The following TRIM49 variants were observed in gnomAD, a reference collection of about 807,000 sequenced individuals.
The protein encoded by TRIM49 is tripartite motif containing 49, also known as tripartite motif-containing protein 49.
A neutral mutation model predicts 27.4 loss-of-function variants in TRIM49; 5 were observed. The observed-to-expected ratio is 0.18, with a 90% CI of 0.10 to 0.38. The LOEUF (loss-of-function observed/expected upper bound fraction) is 0.38. Ranked by LOEUF, TRIM49 falls within the 10% of genes least tolerant of loss-of-function variation. The pLI, the probability that TRIM49 is intolerant of heterozygous loss-of-function variation, is 1.00. For synonymous variants in TRIM49, 69 were observed against 166.0 expected, an observed-to-expected ratio of 0.42 and a Z score of 4.49; for missense variants, 188 against 487.5, an observed-to-expected ratio of 0.39 and a Z score of 5.79.
In TRIM49 at chr11:89,804,228, C is replaced by T. The variant is rs764126582; in HGVS notation, c.242G>A (p.Ser81Asn). The T allele has an allele frequency of 5.0e-6, 8 of 1,609,618 alleles. No homozygotes were observed. The highest frequency in any genetic ancestry group is 6.8e-6 in the Non-Finnish European group (8 of 1,178,466). The change falls in exon 3 of 8, where the codon AGT becomes AAT. Residue 81 changes from serine to asparagine, a missense_variant. Around this residue, in one of 6 missense-constraint regions of TRIM49, gnomAD observed 37 missense variants for 52.4 expected, o/e 0.71. Transcript: ENST00000329758. ...CTCAGAGCTCAGGAATAGCCAGAGA[C>T]TGACTTTTCTGGCAAGAGAAGCCAT... Reference protein sequence around the residue: ...KKMASLARKVSLWLFLSSEEQ... With the variant: ...KKMASLARKVNLWLFLSSEEQ...
In TRIM49 at chr11:89,805,764, C is replaced by T. The variant is rs570777227; in HGVS notation, c.-4-1291G>A. Among the ~76,000 whole-genome samples the T allele has an allele frequency of 2.2e-3, 320 of 147,808 alleles. 4 individuals are homozygous for T. Among genetic ancestry groups the T allele is most frequent in the African/African-American group, 7.9e-3 (310 of 39,034 alleles). On this transcript the variant is annotated intron_variant, in intron 2 of 7. Transcript: ENST00000329758. ...ACAGAGTATCCTTCTGTCACGCAGGCTGAAATGCAGTGGCGTGATCTCGGC... is the reference window on the plus strand; with the variant it reads ...ACAGAGTATCCTTCTGTCACGCAGGTTGAAATGCAGTGGCGTGATCTCGGC...
chr11:89,790,533 T>G, the TRIM49 span, among the ~76,000 whole-genome samples: 1 of 152,002 alleles, frequency 6.6e-6, no homozygotes, highest in Non-Finnish European at 1.5e-5. Context: ...CACGGCCACT[T>G]ACTCCTCTGA....
chr11:89,805,143 G>T (rs1354210482), intron 2 of TRIM49, among the ~76,000 whole-genome samples: 1 of 151,680 alleles, frequency 6.6e-6, no homozygotes, highest in African/African-American at 2.4e-5. Context: ...GTAGGGAAAA[G>T]AAAAATTATT....
At chr11:89,800,738 G>A (rs931941885) in intron 6 of TRIM49, among the ~76,000 whole-genome samples, 1 of 150,190 alleles carries the variant, frequency 6.7e-6, no homozygotes, top group African/African-American at 2.5e-5. Context: ...GCCAGACACC[G>A]TCTCAAAAAA....
At chr11:89,792,972 G>C (rs370670065), downstream of TRIM49, among the ~76,000 whole-genome samples, 2 of 152,232 alleles carry the variant, frequency 1.3e-5, no homozygotes, top group East Asian at 3.9e-4. Flanking sequence ...TTTTTGAAAA[G>C]ATCAACAAAA....
rs775862090 is a variant in TRIM49, at chr11:89,804,345, T to C, written c.125A>G (p.Asn42Ser). The change falls in exon 3 of 8, where the codon AAC becomes AGC. Residue 42 changes from asparagine to serine, a missense_variant. Around this residue, in one of 6 missense-constraint regions of TRIM49, gnomAD observed 37 missense variants for 52.4 expected, o/e 0.71. Transcript: ENST00000329758. ...GACAAGAAATGGGATGTCTTGCCAG[T>C]TGAGGTAGAAACAAGGCCTGCAAAA... Reference protein sequence around the residue: ...HSFCRPCFYLNWQDIPFLVQC... With the variant: ...HSFCRPCFYLSWQDIPFLVQC... 6 of 1,611,492 alleles carry C rather than the reference T, an allele frequency of 3.7e-6. No homozygotes were observed. The highest frequency in any genetic ancestry group is 4.5e-5 in the East Asian group (2 of 44,826).
chr11:89,773,718 C>T, the TRIM49 span, among the ~76,000 whole-genome samples: 3 of 134,860 alleles, frequency 2.2e-5, 1 homozygote, highest in Non-Finnish European at 4.6e-5. Context: ...GTGGGCAGAT[C>T]ACCTGAAGTG....
chr11:89,792,482 A>G, the TRIM49 span, among the ~76,000 whole-genome samples: 4 of 151,928 alleles, frequency 2.6e-5, no homozygotes, highest in South Asian at 6.3e-4. Flanking sequence ...AAAATTGACC[A>G]CATAGTTGGA....
At chr11:89,769,995 G>C in the TRIM49 span, among the ~76,000 whole-genome samples, 1 of 136,402 alleles carries the variant, frequency 7.3e-6, no homozygotes, top group Non-Finnish European at 1.5e-5. Flanking sequence ...AGGAGGGGTG[G>C]GTCAAGGGAG....
At chr11:89,802,323 A>C (rs1949745029) in intron 4 of TRIM49, among the ~76,000 whole-genome samples, 4 of 150,788 alleles carry the variant, frequency 2.7e-5, no homozygotes, top group Non-Finnish European at 2.9e-5. Flanking sequence ...AACTCATTAT[A>C]TGAAAATGAC....
intron 4 of TRIM49, 40 bp downstream of exon 4, chr11:89,803,658 C>T: frequency 1.3e-6 from 1 of 791,870 alleles, no homozygotes; most frequent in East Asian, 2.7e-5. Context: ...CATTTGCCCA[C>T]CATAAGTTCC....
the TRIM49 span, among the ~76,000 whole-genome samples, chr11:89,790,825 T>G: frequency 6.6e-6 from 1 of 152,018 alleles, no homozygotes; most frequent in South Asian, 2.1e-4. Context: ...AACTGAAAAT[T>G]CTAAAAATCA....
chr11:89,768,868 A>G, the TRIM49 span: 50 of 495,336 alleles, frequency 1.0e-4, 2 homozygotes, highest in Admixed American at 5.5e-4. Context: ...GAGAGAGAGA[A>G]AACGACTCCT....
At chr11:89,804,807 ATTC>A (rs1281674411) in intron 2 of TRIM49, among the ~76,000 whole-genome samples, 1 of 151,416 alleles carries the variant, frequency 6.6e-6, no homozygotes, top group Non-Finnish European at 1.5e-5. Flanking sequence ...AGTTGTCCCT[ATTC>A]TTCTTTCAAT....
downstream of TRIM49, among the ~76,000 whole-genome samples, chr11:89,796,604 G>A (rs1466276535): frequency 4.1e-5 from 6 of 147,386 alleles, no homozygotes; most frequent in Non-Finnish European, 9.0e-5. Flanking sequence ...ATTCCACAGC[G>A]TTCATGTAAT....
chr11:89,806,295 A>G (rs1294869658), intron 2 of TRIM49, among the ~76,000 whole-genome samples: 1 of 150,954 alleles, frequency 6.6e-6, no homozygotes, highest in Non-Finnish European at 1.5e-5. Context: ...CAAATGGCCC[A>G]TGAATGTATC....
At chr11:89,775,560 C>T in the TRIM49 span, among the ~76,000 whole-genome samples, 1 of 128,356 alleles carries the variant, frequency 7.8e-6, no homozygotes, top group South Asian at 2.5e-4. Flanking sequence ...AGTGGAAAAC[C>T]TAATACATAT....
At chr11:89,807,687 C>T (rs1303022218) in intron 1 of TRIM49, among the ~76,000 whole-genome samples, 1 of 151,044 alleles carries the variant, frequency 6.6e-6, no homozygotes, top group African/African-American at 2.5e-5. Flanking sequence ...CACTATATCA[C>T]CTGGCTAATT....
chr11:89,784,919 A>G, the TRIM49 span, among the ~76,000 whole-genome samples: 1 of 148,544 alleles, frequency 6.7e-6, no homozygotes, highest in Admixed American at 6.6e-5. Context: ...ATTCTCCTAG[A>G]GATACTTAAT....
Sources: gnomAD v4.1 joint callset for allele counts (sites outside exome capture counted in the v4.1 genomes callset) on GRCh38, gnomAD v4.1.1 for gene constraint, gnomAD v4.1.1 regional missense constraint, MANE v1.5 for transcripts, NCBI Gene and HGNC (gene_info 2026-07-23, HGNC 2026-07-21) for gene names.